The following KCNK5 variants were observed in gnomAD, a reference collection of about 807,000 sequenced individuals.
KCNK5 encodes the protein potassium two pore domain channel subfamily K member 5.
A neutral mutation model predicts 32.9 loss-of-function variants in KCNK5; 18 were observed. That is an observed-to-expected ratio of 0.55 (90% CI 0.38 to 0.81). The LOEUF is 0.81. Ranked by LOEUF, KCNK5 falls within the 30% of genes least tolerant of loss-of-function variation. KCNK5 has a pLI of 0.00. For synonymous variants in KCNK5, 276 were observed against 275.3 expected, an observed-to-expected ratio of 1.00 and a Z score of -0.03; for missense variants, 507 against 651.0, an observed-to-expected ratio of 0.78 and a Z score of 2.41.
chr6:39,199,944 G>T (rs1232183099), intron 1 of KCNK5, among the ~76,000 whole-genome samples: 2 of 152,218 alleles, frequency 1.3e-5, no homozygotes, highest in Non-Finnish European at 2.9e-5. Context: ...TGAATTTGGG[G>T]TGCTAGCTCC....
rs113812752 is a variant in KCNK5, at chr6:39,200,314, C to A, written c.187-4327G>T. 8.8e-3 allele frequency among the ~76,000 whole-genome samples: 1,344 copies of A among 152,254 alleles called. 27 individuals carry two copies. Among genetic ancestry groups the A allele is most frequent in the African/African-American group, 0.03 (1,263 of 41,542 alleles). The stretch of plus-strand genomic sequence containing the variant: ...CTCAGGCCCAGCTCTTGTTTGGGAA[C>A]GGAGTAGAGTTCCCTGTCTCCATCA... On this transcript the variant is annotated intron_variant, in intron 1 of 4. Transcript: ENST00000359534.
At chr6:39,201,377 G>A (rs900362237) in intron 1 of KCNK5, among the ~76,000 whole-genome samples, 4 of 151,812 alleles carry the variant, frequency 2.6e-5, no homozygotes, top group African/African-American at 9.7e-5. Flanking sequence ...TTAGCCTCCC[G>A]AGTAGCTGGG....
chr6:39,204,632 T>G (rs1217855482), intron 1 of KCNK5, among the ~76,000 whole-genome samples: 1 of 152,240 alleles, frequency 6.6e-6, no homozygotes, highest in Non-Finnish European at 1.5e-5. Flanking sequence ...CGAACCAGGA[T>G]GCTGCAAAGC....
chr6:39,192,988 C>A lies in KCNK5; in HGVS notation c.634+1181G>T, dbSNP rs115875077. ...AGGTGCCCTGAGTGGTCCTGTTAAT[C>A]CTGCTCAAGGCTCTCAATCACAAGC... On this transcript the variant is annotated intron_variant, in intron 4 of 4. Transcript: ENST00000359534. Among the ~76,000 whole-genome samples, 318 of 152,250 alleles carry A rather than the reference C, an allele frequency of 2.1e-3. 1 individual carries two copies. The highest frequency in any genetic ancestry group is 7.3e-3 in the African/African-American group (305 of 41,546).
rs368144556 is a variant in KCNK5, at chr6:39,191,138, C to A, written c.1252G>T (p.Ala418Ser). 4 of 1,614,218 alleles carry A rather than the reference C, an allele frequency of 2.5e-6. No homozygotes were observed. In the South Asian group the frequency reaches 3.3e-5, roughly 13 times the overall value. ...TCCGTGTTCACGAAGGTGATGCTGG[C>A]GTCCTGGAAGATGAGTGGGTGGTAG... ...QDYHPLIFQD[A>S]SITFVNTEAG... The change falls in exon 5 of 5, where the codon GCC becomes TCC. Residue 418 changes from alanine (A) to serine (S), a missense_variant. Transcript: ENST00000359534. This position sits in a 1 kb window ranked among gnomAD's most constrained non-coding sequence, Gnocchi z 5.8.
chr6:39,225,527 C>A (rs1268928054), intron 1 of KCNK5, among the ~76,000 whole-genome samples: 1 of 152,144 alleles, frequency 6.6e-6, no homozygotes, highest in Non-Finnish European at 1.5e-5. Flanking sequence ...TCAATCACAC[C>A]CCCACTGTTT....
At position 39,194,839 on chromosome 6, in the gene KCNK5, C is replaced by A; in HGVS notation, c.299-79G>T. The stretch of plus-strand genomic sequence containing the variant: ...CCTTGCTTCCAACACACACACAGCC[C>A]GTTCTCTAAGATAAATTGATATTGA... On this transcript the variant is annotated intron_variant, in intron 2 of 4. Transcript: ENST00000359534. This position sits in a 1 kb window ranked among gnomAD's most constrained non-coding sequence, Gnocchi z 4.7. 8.3e-7 allele frequency: 1 copy of A among 1,204,426 alleles called. No homozygotes were observed. Among genetic ancestry groups the A allele is most frequent in the Non-Finnish European group, 1.2e-6 (1 of 823,116 alleles). 74.6% of individuals were successfully genotyped at this position (1,204,426 alleles called of 1,614,324 possible). A position where few individuals can be genotyped will look rare whatever the true frequency, so the allele number is the denominator to read the frequency against.
chr6:39,211,153 G>A (rs189199962), intron 1 of KCNK5, among the ~76,000 whole-genome samples: 14 of 152,314 alleles, frequency 9.2e-5, no homozygotes, highest in Admixed American at 5.2e-4. Context: ...CCTGATCAGT[G>A]TACATTATGA....
chr6:39,220,804 CG>C (rs952882284), intron 1 of KCNK5, among the ~76,000 whole-genome samples: 1 of 152,164 alleles, frequency 6.6e-6, no homozygotes, highest in Non-Finnish European at 1.5e-5. Context: ...GCAGTTAATA[CG>C]TAGCCAGTCA....
intron 1 of KCNK5, among the ~76,000 whole-genome samples, chr6:39,201,531 A>G (rs76926450): frequency 6.6e-6 from 1 of 152,118 alleles, no homozygotes; most frequent in Non-Finnish European, 1.5e-5. Context: ...GATTACAGGC[A>G]TGAGCCACCA....
At chr6:39,206,344 C>G (rs748073136) in intron 1 of KCNK5, among the ~76,000 whole-genome samples, 1 of 152,212 alleles carries the variant, frequency 6.6e-6, no homozygotes, top group African/African-American at 2.4e-5. Context: ...AGGGTAAGCG[C>G]GTGCCTACGC....
intron 1 of KCNK5, among the ~76,000 whole-genome samples, chr6:39,227,548 T>C (rs1252102992): frequency 6.6e-6 from 1 of 151,998 alleles, no homozygotes; most frequent in Non-Finnish European, 1.5e-5. Flanking sequence ...GGCAAGAGAC[T>C]CTCCACTAAA....
chr6:39,208,576 C>A (rs1213669373), intron 1 of KCNK5, among the ~76,000 whole-genome samples: 1 of 152,252 alleles, frequency 6.6e-6, no homozygotes, highest in Non-Finnish European at 1.5e-5. Flanking sequence ...CTGAGACAGA[C>A]AACAGCTGGC....
At chr6:39,197,043 A>C (rs1771043005) in intron 1 of KCNK5, among the ~76,000 whole-genome samples, 1 of 151,970 alleles carries the variant, frequency 6.6e-6, no homozygotes, top group South Asian at 2.1e-4. Flanking sequence ...TCACATAAGA[A>C]GGGACTCTAA....
chr6:39,192,086 G>C (rs1770950023), intron 4 of KCNK5, among the ~76,000 whole-genome samples: 1 of 151,944 alleles, frequency 6.6e-6, no homozygotes, highest in East Asian at 1.9e-4. Flanking sequence ...TTGAGGTCAG[G>C]AGTTCGAAAC....
intron 1 of KCNK5, among the ~76,000 whole-genome samples, chr6:39,208,533 G>T (rs956080789): frequency 5.9e-5 from 9 of 152,220 alleles, no homozygotes; most frequent in Non-Finnish European, 1.2e-4. Flanking sequence ...TCCGGCTGCA[G>T]TCCAAGCCCA....
chr6:39,223,034 T>A (rs145577344), intron 1 of KCNK5, among the ~76,000 whole-genome samples: 6,123 of 152,284 alleles, frequency 0.04, 166 homozygotes, highest in Middle Eastern at 0.051. Context: ...TGTTTCTGTG[T>A]TTTTTGCGTT....
At chr6:39,224,650 G>T (rs1327673095) in intron 1 of KCNK5, among the ~76,000 whole-genome samples, 1 of 152,158 alleles carries the variant, frequency 6.6e-6, no homozygotes, top group East Asian at 1.9e-4. Context: ...GAGGCCAGTG[G>T]GATCCAAGAG....
chr6:39,224,458 A>G (rs1322436442), intron 1 of KCNK5, among the ~76,000 whole-genome samples: 1 of 152,124 alleles, frequency 6.6e-6, no homozygotes, highest in African/African-American at 2.4e-5. Flanking sequence ...TCATGGTTTT[A>G]TTTTTCAAAT....
Sources: gnomAD v4.1 joint callset for allele counts (sites outside exome capture counted in the v4.1 genomes callset) on GRCh38, gnomAD v4.1.1 for gene constraint, Gnocchi (gnomAD v3.1) non-coding constraint, MANE v1.5 for transcripts, NCBI Gene and HGNC (gene_info 2026-07-23, HGNC 2026-07-21) for gene names.